The following UTS2B variants were observed in gnomAD, a reference collection of about 807,000 sequenced individuals.
UTS2B encodes urotensin 2B.
In UTS2B, 21 loss-of-function variants were observed where a neutral mutation model predicts 19.2. That is an observed-to-expected ratio of 1.09 (90% CI 0.78 to 1.58). UTS2B has a LOEUF of 1.58. UTS2B is among the 40% of genes most tolerant of loss of function. The probability of loss-of-function intolerance (pLI) is 0.00; values close to 1 mark genes in which losing one functional copy is unlikely to be tolerated. For missense variants in UTS2B, 138 were observed against 130.3 expected, an observed-to-expected ratio of 1.06 and a Z score of -0.29; for synonymous variants, 57 against 50.2, an observed-to-expected ratio of 1.14 and a Z score of -0.58.
the UTS2B span, among the ~76,000 whole-genome samples, chr3:191,335,626 CACAT>C: frequency 6.6e-6 from 1 of 151,972 alleles, no homozygotes; most frequent in Non-Finnish European, 1.5e-5. Context: ...AAAGCATACA[CACAT>C]ACATTAAGTG....
At chr3:191,301,055 CTTCT>C (rs1716985636) in intron 4 of UTS2B, among the ~76,000 whole-genome samples, 1 of 152,064 alleles carries the variant, frequency 6.6e-6, no homozygotes, top group Non-Finnish European at 1.5e-5. Context: ...ATCACTTTTT[CTTCT>C]TTATTTATGA....
chr3:191,300,950 A>C (rs1716983353), intron 4 of UTS2B, among the ~76,000 whole-genome samples: 2 of 152,332 alleles, frequency 1.3e-5, no homozygotes, highest in African/African-American at 4.8e-5. Flanking sequence ...ACTCATTCTC[A>C]GGTATTTATT....
chr3:191,275,700 A>AT (rs1470816285), intron 7 of UTS2B, among the ~76,000 whole-genome samples: 27 of 134,098 alleles, frequency 2.0e-4, no homozygotes, highest in Admixed American at 7.3e-4. Flanking sequence ...AAAACAAACA[A>AT]CAAAAAAAAA....
At chr3:191,345,195 A>C in the UTS2B span, among the ~76,000 whole-genome samples, 7 of 152,206 alleles carry the variant, frequency 4.6e-5, no homozygotes, top group Admixed American at 2.0e-4. Flanking sequence ...CTAAGTCTTA[A>C]CTTTTCTTGG....
At chr3:191,289,106 G>A (rs1358191199) in intron 4 of UTS2B, among the ~76,000 whole-genome samples, 3 of 151,994 alleles carry the variant, frequency 2.0e-5, no homozygotes, top group Non-Finnish European at 4.4e-5. Flanking sequence ...TCCCACTACT[G>A]TTTATATATC....
chr3:191,336,200 C>T, the UTS2B span, among the ~76,000 whole-genome samples: 5 of 149,656 alleles, frequency 3.3e-5, no homozygotes, highest in Admixed American at 3.3e-4. Context: ...AATGGACTTT[C>T]TGGGTTATAC....
At chr3:191,273,066 G>A (rs1048190249) in intron 8 of UTS2B, among the ~76,000 whole-genome samples, 12 of 152,132 alleles carry the variant, frequency 7.9e-5, no homozygotes, top group Non-Finnish European at 1.5e-4. Context: ...TACTCGGGAG[G>A]CTGAGGCAGG....
intron 8 of UTS2B, among the ~76,000 whole-genome samples, chr3:191,272,184 G>T (rs1289958456): frequency 1.3e-5 from 2 of 152,296 alleles, no homozygotes; most frequent in East Asian, 3.9e-4. Flanking sequence ...AGATTTAAAG[G>T]CTATTTTATC....
chr3:191,346,176 T>C, the UTS2B span, among the ~76,000 whole-genome samples: 3 of 152,352 alleles, frequency 2.0e-5, no homozygotes, highest in East Asian at 1.9e-4. Flanking sequence ...ATAAAATTGC[T>C]ACTACAACTG....
At chr3:191,285,896 T>TAAAAAAG (rs757003967) in intron 4 of UTS2B, among the ~76,000 whole-genome samples, 2 of 151,586 alleles carry the variant, frequency 1.3e-5, no homozygotes, top group African/African-American at 4.8e-5. Context: ...AGACTCCATC[T>TAAAAAAG]AAAAAAGAAA....
intron 8 of UTS2B, 34 bp from the exon 9 acceptor site, chr3:191,268,475 A>T: frequency 1.4e-6 from 2 of 1,478,298 alleles, no homozygotes; most frequent in South Asian, 2.4e-5. Flanking sequence ...TTTTTATTAG[A>T]AGTATATTTG....
At chr3:191,300,093 C>T (rs1716955967) in intron 4 of UTS2B, among the ~76,000 whole-genome samples, 1 of 151,652 alleles carries the variant, frequency 6.6e-6, no homozygotes, top group Non-Finnish European at 1.5e-5. Flanking sequence ...CTCTTTCACC[C>T]AGGCTGGAGT....
At chr3:191,281,824 T>A (rs533894099) in intron 5 of UTS2B, among the ~76,000 whole-genome samples, 1 of 150,194 alleles carries the variant, frequency 6.7e-6, no homozygotes, top group Non-Finnish European at 1.5e-5. Context: ...CCCCAATATT[T>A]AAAAAAAAAT....
Position 191,288,160 on chromosome 3 carries a change from G to A in UTS2B, c.-124-5847C>T, listed in dbSNP as rs191018428. Among the ~76,000 whole-genome samples, 11 of 152,232 alleles carry A rather than the reference G, an allele frequency of 7.2e-5. 1 individual carries two copies. In the East Asian group the frequency reaches 2.1e-3, roughly 29 times the overall value. On this transcript the variant is annotated intron_variant, in intron 4 of 8. Transcript: ENST00000340524. ...AAATGGAAAGATAGCCTGCTTTCATGAATTAGAATAATTAATATTGTTAAA... is the reference window on the plus strand; with the variant it reads ...AAATGGAAAGATAGCCTGCTTTCATAAATTAGAATAATTAATATTGTTAAA...
At chr3:191,308,871 T>C (rs1168346761) in intron 3 of UTS2B, among the ~76,000 whole-genome samples, 2 of 152,302 alleles carry the variant, frequency 1.3e-5, no homozygotes, top group Admixed American at 6.5e-5. Flanking sequence ...AATGATCTTA[T>C]CTGTAGAGTG....
intron 3 of UTS2B, among the ~76,000 whole-genome samples, chr3:191,310,894 G>A (rs76146386): frequency 2.6e-5 from 4 of 152,068 alleles, no homozygotes; most frequent in South Asian, 2.1e-4. Flanking sequence ...CAATTCCTTC[G>A]AAATATATTA....
chr3:191,328,849 A>AATG (rs1284284242), intron 1 of UTS2B, 140 bp from the exon 2 acceptor site: 1 of 152,222 alleles, frequency 6.6e-6, no homozygotes, highest in Non-Finnish European at 1.5e-5. Flanking sequence ...TTGATGAATG[A>AATG]ATGACTCAGT....
rs1012103992 is a variant in UTS2B at position 191,268,748 on chromosome 3, A to C, written c.335-307T>G. The stretch of plus-strand genomic sequence containing the variant: ...ATTCTATTGGACAACACTGTTATAA[A>C]TTATAATACATATAATACAGTCTAG... On this transcript the variant is annotated intron_variant, in intron 8 of 8. Coordinates refer to ENST00000340524, the MANE Select transcript of UTS2B (RefSeq NM_198152.5). Among the ~76,000 whole-genome samples, 4 of 152,350 alleles carry C rather than the reference A, an allele frequency of 2.6e-5. No homozygotes were observed. The East Asian group carries it at 7.7e-4, about 29-fold the overall frequency.
At chr3:191,276,767 T>C in intron 7 of UTS2B, 40 bp downstream of exon 7, 1 of 1,551,540 alleles carries the variant, frequency 6.4e-7, no homozygotes, top group Middle Eastern at 1.7e-4. Context: ...TCCTTATAAT[T>C]GTTATTAAAA....
Sources: allele counts gnomAD v4.1 joint callset (sites outside exome capture counted in the v4.1 genomes callset), GRCh38; gene constraint gnomAD v4.1.1; transcripts MANE v1.5; gene names NCBI Gene and HGNC (gene_info 2026-07-23, HGNC 2026-07-21).